Variants in DIAPH3 observed in about 807,000 individuals in gnomAD.
DIAPH3 encodes diaphanous related formin 3.
A neutral mutation model predicts 144.3 loss-of-function variants in DIAPH3; 117 were observed. The ratio of observed to expected loss-of-function variants is 0.81; its 90% CI spans 0.70 to 0.95. DIAPH3 has a LOEUF of 0.95. Among genes scored for constraint, DIAPH3 ranks in the 40% least tolerant of loss-of-function variants. The pLI is 0.00. For missense variants in DIAPH3, 1,421 were observed against 1,412.7 expected (o/e 1.01, Z -0.09); for synonymous variants, 519 against 488.9 (o/e 1.06, Z -0.81).
At chr13:59,723,651 C>T (rs917857750) in intron 27 of DIAPH3, among the ~76,000 whole-genome samples, 1 of 151,540 alleles carries the variant, frequency 6.6e-6, no homozygotes, top group Non-Finnish European at 1.5e-5. Context: ...CACACTGTCA[C>T]CTGGGCTGGT....
intron 1 of DIAPH3, among the ~76,000 whole-genome samples, chr13:60,137,392 G>A (rs2059311967): frequency 6.6e-6 from 1 of 152,186 alleles, no homozygotes; most frequent in African/African-American, 2.4e-5. Flanking sequence ...TGAATATCAA[G>A]AGGCATGTGA....
chr13:59,813,011 G>A (rs2040569883), intron 24 of DIAPH3, among the ~76,000 whole-genome samples: 1 of 152,064 alleles, frequency 6.6e-6, no homozygotes, highest in African/African-American at 2.4e-5. Flanking sequence ...AGGCTGGACA[G>A]TCTTACTACC....
chr13:60,042,715 C>A lies in DIAPH3; in HGVS notation c.601G>T (p.Val201Leu), dbSNP rs757647666. ...RLVTCLESLRVSLTSNPVSWV... is the reference protein window; with the variant it reads ...RLVTCLESLRLSLTSNPVSWV... Reference sequence around the variant, plus strand: ...CTCACAGGATTGCTGGTCAAAGACACTCGGAGAGACTCCAGGCATGTGACA... The same window carrying A: ...CTCACAGGATTGCTGGTCAAAGACAATCGGAGAGACTCCAGGCATGTGACA... The change falls in exon 5 of 28, where the codon GTG (valine) becomes TTG (leucine). Residue 201 changes from valine (V) to leucine (L), a missense_variant. By Grantham distance (32) the Val-to-Leu change is conservative. Coordinates refer to ENST00000400324, the MANE Select transcript of DIAPH3 (RefSeq NM_001042517.2). The A allele has an allele frequency of 6.2e-7, 1 of 1,613,584 alleles. No individual in the cohort carries two copies. The highest frequency in any genetic ancestry group is 1.7e-5 in the Admixed American group (1 of 59,974).
intron 27 of DIAPH3, 92 bp downstream of exon 27, chr13:59,774,097 C>G: frequency 7.8e-7 from 1 of 1,275,946 alleles, no homozygotes; most frequent in Non-Finnish European, 1.1e-6. Context: ...TATATTGGAA[C>G]TTGAGAATTT....
At chr13:59,771,928 A>G (rs2038144774) in intron 27 of DIAPH3, among the ~76,000 whole-genome samples, 1 of 152,020 alleles carries the variant, frequency 6.6e-6, no homozygotes, top group African/African-American at 2.4e-5. Context: ...ATTATTTTAC[A>G]TAGGCTATAA....
At chr13:60,021,425 G>C (rs1302630297) in intron 5 of DIAPH3, among the ~76,000 whole-genome samples, 1 of 152,164 alleles carries the variant, frequency 6.6e-6, no homozygotes, top group Admixed American at 6.5e-5. Flanking sequence ...AGGAGTTTGA[G>C]ATCAGCCTGG....
chr13:60,083,906 CAGATGGATGGATGGATGGATGGATGGAT>C (rs1340004652), intron 4 of DIAPH3, among the ~76,000 whole-genome samples: 1 of 125,266 alleles, frequency 8.0e-6, no homozygotes, highest in Non-Finnish European at 1.7e-5. Flanking sequence ...TATGGATGGA[CAGATGGATGGATGGATGGATGGATGGAT>C]GGATGGATGG....
intron 2 of DIAPH3, among the ~76,000 whole-genome samples, chr13:60,116,758 T>C (rs1286238346): frequency 6.6e-6 from 1 of 152,096 alleles, no homozygotes; most frequent in East Asian, 1.9e-4. Context: ...CATAACCTAA[T>C]GGTTCTAACA....
At chr13:59,800,082 A>C (rs866652615) in intron 25 of DIAPH3, among the ~76,000 whole-genome samples, 2 of 152,110 alleles carry the variant, frequency 1.3e-5, no homozygotes, top group African/African-American at 2.4e-5. Flanking sequence ...GAATCAGCTG[A>C]CCTCAAATTG....
chr13:59,715,024 C>T (rs1463153361), intron 27 of DIAPH3, among the ~76,000 whole-genome samples: 1 of 152,072 alleles, frequency 6.6e-6, no homozygotes, highest in African/African-American at 2.4e-5. Context: ...CTCTTTTAAC[C>T]AGCTTCTCAT....
chr13:59,854,902 T>C (rs1265898904), intron 22 of DIAPH3, among the ~76,000 whole-genome samples: 1 of 152,190 alleles, frequency 6.6e-6, no homozygotes, highest in Non-Finnish European at 1.5e-5. Context: ...TATAGAGGTC[T>C]TCCTGATGTG....
intron 17 of DIAPH3, among the ~76,000 whole-genome samples, chr13:59,946,150 T>C (rs766599377): frequency 7.9e-5 from 12 of 152,144 alleles, no homozygotes; most frequent in Non-Finnish European, 1.8e-4. Flanking sequence ...ATCTATTAAA[T>C]GAGAAAATGA....
chr13:59,916,010 G>A, intron 19 of DIAPH3, 145 bp downstream of exon 19: 2 of 690,244 alleles, frequency 2.9e-6, no homozygotes. Context: ...TCCTGGCAAT[G>A]CAGAAGTTAT....
chr13:60,089,886 G>T (rs1218510339), intron 4 of DIAPH3, among the ~76,000 whole-genome samples: 1 of 152,150 alleles, frequency 6.6e-6, no homozygotes, highest in Admixed American at 6.5e-5. Context: ...TAGAATTAAA[G>T]ATCCAGCACA....
chr13:59,763,765 C>G (rs2037733042), intron 27 of DIAPH3, among the ~76,000 whole-genome samples: 1 of 152,038 alleles, frequency 6.6e-6, no homozygotes, highest in Non-Finnish European at 1.5e-5. Flanking sequence ...TTCATATTTT[C>G]TCTTTTTATT....
intron 7 of DIAPH3, among the ~76,000 whole-genome samples, chr13:60,014,705 T>C (rs1010126902): frequency 6.6e-6 from 1 of 152,124 alleles, no homozygotes; most frequent in African/African-American, 2.4e-5. Context: ...ATCAGAAATA[T>C]ACAGATGCTT....
intron 4 of DIAPH3, among the ~76,000 whole-genome samples, chr13:60,074,663 C>A (rs532718365): frequency 1.1e-4 from 16 of 152,316 alleles, no homozygotes; most frequent in Non-Finnish European, 2.9e-5. Context: ...TGGTTAGAAT[C>A]CATCAAGGGT....
chr13:59,680,565 CTTT>C (rs74919349), intron 27 of DIAPH3, among the ~76,000 whole-genome samples: 2 of 141,986 alleles, frequency 1.4e-5, no homozygotes, highest in African/African-American at 2.6e-5. Context: ...TTTCCTTAGT[CTTT>C]TTTTTTTTTT....
chr13:59,896,745 A>G (rs186802022), intron 20 of DIAPH3, among the ~76,000 whole-genome samples: 16 of 152,342 alleles, frequency 1.1e-4, no homozygotes, highest in Admixed American at 9.8e-4. Context: ...TTAAAGGCTC[A>G]TATTTCTAGC....
Sources: allele counts gnomAD v4.1 joint callset (sites outside exome capture counted in the v4.1 genomes callset), GRCh38; gene constraint gnomAD v4.1.1; transcripts MANE v1.5; gene names NCBI Gene and HGNC (gene_info 2026-07-23, HGNC 2026-07-21).